TFDP2: variants seen among roughly 807,000 people sequenced by gnomAD.
The protein encoded by TFDP2 is transcription factor Dp-2 (E2F dimerization partner 2).
In TFDP2, 17 loss-of-function variants were observed where a neutral mutation model predicts 59.3. The observed-to-expected ratio is 0.29, with a 90% CI of 0.20 to 0.43. The LOEUF (loss-of-function observed/expected upper bound fraction) is 0.43. Among genes scored for constraint, TFDP2 ranks in the 20% least tolerant of loss-of-function variants. The pLI, the probability that TFDP2 is intolerant of heterozygous loss-of-function variation, is 1.00. For synonymous variants in TFDP2, 180 were observed against 194.7 expected (o/e 0.92, Z 0.63); for missense variants, 391 against 528.8 (o/e 0.74, Z 2.56).
At chr3:142,102,564 A>C (rs995690686) in intron 1 of TFDP2, among the ~76,000 whole-genome samples, 1 of 152,228 alleles carries the variant, frequency 6.6e-6, no homozygotes, top group Non-Finnish European at 1.5e-5. Context: ...ATTAATACAC[A>C]GTAAAACTAG....
chr3:141,950,179 T>C lies in TFDP2; in HGVS notation c.*2334A>G, dbSNP rs1935787222. On this transcript the variant is annotated 3_prime_UTR_variant, in exon 13 of 13. Transcript: ENST00000489671. Reference sequence around the variant, plus strand: ...CTCAGTGCTGAGCTTTAGACCCAGATAAATGTTGAGGGGGAATACAGAAGA... The same window carrying C: ...CTCAGTGCTGAGCTTTAGACCCAGACAAATGTTGAGGGGGAATACAGAAGA... 1 of 152,178 alleles carries C rather than the reference T, an allele frequency of 6.6e-6. No homozygotes were observed. The highest frequency in any genetic ancestry group is 1.5e-5 in the Non-Finnish European group (1 of 68,040). 9.4% of individuals were successfully genotyped at this position (152,178 alleles called of 1,614,324 possible). A position where few individuals can be genotyped will look rare whatever the true frequency, so the allele number is the denominator to read the frequency against.
At chr3:142,021,221 C>T (rs1356391427) in intron 3 of TFDP2, among the ~76,000 whole-genome samples, 1 of 152,094 alleles carries the variant, frequency 6.6e-6, no homozygotes, top group Non-Finnish European at 1.5e-5. Flanking sequence ...CATAATATCT[C>T]CAAAGTATAA....
At chr3:142,111,155 G>A (rs1455998298) in intron 1 of TFDP2, among the ~76,000 whole-genome samples, 2 of 151,762 alleles carry the variant, frequency 1.3e-5, no homozygotes, top group East Asian at 2.0e-4. Context: ...CAGGCTGGGT[G>A]CGGTGGCTCA....
intron 4 of TFDP2, among the ~76,000 whole-genome samples, chr3:142,001,592 G>A (rs1032178061): frequency 1.3e-5 from 2 of 152,156 alleles, no homozygotes; most frequent in Non-Finnish European, 2.9e-5. Flanking sequence ...CTCTTTTGGT[G>A]TTCTCTCCAA....
In TFDP2 at chr3:142,121,870, T is replaced by C. The variant is rs2062060448; in HGVS notation, c.-92-20029A>G. The stretch of plus-strand genomic sequence containing the variant: ...GAAGTTAAAAAAAAAAAAACTTCAT[T>C]GTAGACATTTCTGAGGTTCTAGTCT... On this transcript the variant is annotated intron_variant, in intron 1 of 12. Transcript: ENST00000489671. This position sits in a 1 kb window ranked among gnomAD's most constrained non-coding sequence, Gnocchi z 4.3. Among the ~76,000 whole-genome samples the C allele has an allele frequency of 6.6e-6, 1 of 151,782 alleles. No homozygotes were observed.
intron 3 of TFDP2, among the ~76,000 whole-genome samples, chr3:142,066,263 C>T (rs2060072075): frequency 6.6e-6 from 1 of 152,124 alleles, no homozygotes; most frequent in African/African-American, 2.4e-5. Flanking sequence ...TGTTATAAAA[C>T]CTGAAACAAT....
intron 1 of TFDP2, among the ~76,000 whole-genome samples, chr3:142,142,641 G>A (rs2062999501): frequency 6.6e-6 from 1 of 152,138 alleles, no homozygotes; most frequent in Non-Finnish European, 1.5e-5. Context: ...ACCCAGAATA[G>A]CCAAAGCTAT....
chr3:142,028,502 TTGC>T, intron 3 of TFDP2: 1 of 939,602 alleles, frequency 1.1e-6, no homozygotes, highest in Non-Finnish European at 1.3e-6. Context: ...CAATTTAATA[TTGC>T]TGCTGCTTAA....
At chr3:142,040,530 C>T (rs551569302) in intron 3 of TFDP2, among the ~76,000 whole-genome samples, 2 of 151,994 alleles carry the variant, frequency 1.3e-5, no homozygotes, top group Admixed American at 6.6e-5. Flanking sequence ...TGGGTTCAAG[C>T]GATTCTTCTG....
At position 141,988,675 on chromosome 3, in the gene TFDP2, T is replaced by TTG. The variant is rs1437408573; in HGVS notation, c.356+4862_356+4863insCA. 2.0e-5 allele frequency among the ~76,000 whole-genome samples: 3 copies of TTG among 148,070 alleles called. No individual in the cohort carries two copies. The East Asian group carries it at 5.9e-4, about 29-fold the overall frequency. The stretch of plus-strand genomic sequence containing the variant: ...TTTAGCAATCTTTTCTTTTCTTTTT[T>TTG]TTTTTTTTTTTTGAGATGGAGTCTC... On this transcript the variant is annotated intron_variant, in intron 6 of 12. Transcript: ENST00000489671.
chr3:141,952,950 T>C lies in TFDP2; in HGVS notation c.1118A>G (p.Asn373Ser). 6.2e-7 allele frequency: 1 copy of C among 1,614,092 alleles called. No individual in the cohort carries two copies. Among genetic ancestry groups the C allele is most frequent in the Non-Finnish European group, 8.5e-7 (1 of 1,180,006 alleles). ...GGTGGCACCAGTGGTCAGGTCTAAA[T>C]TTGAAACTGATTGGGTAGAGTTCAG... ...LLLNSTQSVS[N>S]LDLTTGATLP... The change falls in exon 12 of 13, where the codon AAT (asparagine) becomes AGT (serine). Residue 373 changes from asparagine (N) to serine (S), a missense_variant. Coordinates refer to ENST00000489671, the MANE Select transcript of TFDP2 (RefSeq NM_001178139.2).
At chr3:141,953,850 A>G (rs1387484889) in intron 11 of TFDP2, among the ~76,000 whole-genome samples, 1 of 143,850 alleles carries the variant, frequency 7.0e-6, no homozygotes, top group African/African-American at 2.6e-5. Context: ...AATGAGGCAG[A>G]CACAGACGTT....
chr3:142,113,405 T>C (rs1322989691), intron 1 of TFDP2, among the ~76,000 whole-genome samples: 1 of 151,898 alleles, frequency 6.6e-6, no homozygotes, highest in Non-Finnish European at 1.5e-5. Context: ...ACTACAGGCA[T>C]GTGCCACCAC....
intron 3 of TFDP2, among the ~76,000 whole-genome samples, chr3:142,016,126 C>T (rs1417231731): frequency 2.6e-5 from 4 of 151,758 alleles, no homozygotes; most frequent in African/African-American, 9.7e-5. Flanking sequence ...ATTCTCCTGC[C>T]TCAGCCTCCC....
chr3:142,019,652 C>CA (rs1945439342), intron 3 of TFDP2, among the ~76,000 whole-genome samples: 1 of 150,618 alleles, frequency 6.6e-6, no homozygotes. Context: ...TAAACACCCC[C>CA]CCCAACATCT....
At chr3:142,010,065 T>C (rs1944538187) in intron 3 of TFDP2, among the ~76,000 whole-genome samples, 1 of 152,182 alleles carries the variant, frequency 6.6e-6, no homozygotes, top group Non-Finnish European at 1.5e-5. Flanking sequence ...CTGATGGATC[T>C]GACTACTTTA....
In TFDP2 at chr3:141,945,990, C is replaced by T. The variant is rs754097850; in HGVS notation, c.*6523G>A. On this transcript the variant is annotated 3_prime_UTR_variant, in exon 13 of 13. Transcript: ENST00000489671. ...TTTCTGACTTGAGAGAGGCCTAAAC[C>T]TGACACCACAGCCTCATGCTGGGGC... 4 of 152,274 alleles carry T rather than the reference C, an allele frequency of 2.6e-5. No individual in the cohort carries two copies. Among genetic ancestry groups the T allele is most frequent in the Non-Finnish European group, 5.9e-5 (4 of 68,080 alleles). The allele number at this position is 152,274 out of a possible 1,614,324, so 9.4% of individuals were successfully genotyped here.
chr3:141,997,280 G>T (rs1943355780), intron 4 of TFDP2, among the ~76,000 whole-genome samples: 1 of 152,066 alleles, frequency 6.6e-6, no homozygotes, highest in South Asian at 2.1e-4. Context: ...TATGCTAAAA[G>T]GTTTATATAA....
At chr3:142,039,110 T>C (rs1006491209) in intron 3 of TFDP2, among the ~76,000 whole-genome samples, 5 of 152,128 alleles carry the variant, frequency 3.3e-5, no homozygotes, top group African/African-American at 1.2e-4. Flanking sequence ...ACAAAAACAA[T>C]CCTTTGCTAA....
Sources: gnomAD v4.1 joint callset for allele counts (sites outside exome capture counted in the v4.1 genomes callset) on GRCh38, gnomAD v4.1.1 for gene constraint, Gnocchi (gnomAD v3.1) non-coding constraint, MANE v1.5 for transcripts, NCBI Gene and HGNC (gene_info 2026-07-23, HGNC 2026-07-21) for gene names.